The following KLHL1 variants were observed in gnomAD, a reference collection of about 807,000 sequenced individuals.
The protein encoded by KLHL1 is kelch like family member 1.
Under a neutral mutation model 77.7 loss-of-function variants are expected in KLHL1, and 47 were observed. That is an observed-to-expected ratio of 0.60 (90% CI 0.48 to 0.77). The LOEUF (loss-of-function observed/expected upper bound fraction) is 0.77, where lower values mean the gene tolerates loss of function less well. KLHL1 is among the 30% of genes least tolerant of loss of function. The pLI is 0.00. For missense variants in KLHL1, 925 were observed against 910.8 expected (o/e 1.02, Z -0.20); for synonymous variants, 360 against 325.2 (o/e 1.11, Z -1.15).
chr13:69,724,897 A>G (rs1873228483), intron 8 of KLHL1, among the ~76,000 whole-genome samples: 1 of 152,176 alleles, frequency 6.6e-6, no homozygotes, highest in African/African-American at 2.4e-5. Context: ...TAAAAAATCT[A>G]TTATGCAGGA....
intron 4 of KLHL1, among the ~76,000 whole-genome samples, chr13:69,910,128 C>T (rs748617192): frequency 3.9e-5 from 6 of 152,184 alleles, no homozygotes; most frequent in South Asian, 4.2e-4. Flanking sequence ...GACTGCTTCA[C>T]GAATTCCTTA....
intron 3 of KLHL1, 39 bp downstream of exon 3, chr13:69,961,269 A>G (rs1593990077): frequency 1.9e-6 from 3 of 1,570,126 alleles, no homozygotes; most frequent in East Asian, 2.3e-5. Context: ...GCTAAAATTT[A>G]TAAGACATCA....
chr13:69,997,500 C>T lies in KLHL1; in HGVS notation c.498-21698G>A, dbSNP rs2501232. On this transcript the variant is annotated intron_variant, in intron 1 of 10. Transcript: ENST00000377844. Reference sequence around the variant, plus strand: ...TCTAGCCACGGGAAACCACCGCTTTCCTCTGTTTCTATGAGTTTTACTGCT... The same window carrying T: ...TCTAGCCACGGGAAACCACCGCTTTTCTCTGTTTCTATGAGTTTTACTGCT... Among the ~76,000 whole-genome samples the T allele has an allele frequency of 3.1e-4, 47 of 151,154 alleles. 3 individuals are homozygous for T. The South Asian group carries it at 9.8e-3, about 31-fold the overall frequency.
intron 1 of KLHL1, among the ~76,000 whole-genome samples, chr13:69,995,417 A>G (rs1037294028): frequency 6.6e-6 from 1 of 152,094 alleles, no homozygotes; most frequent in African/African-American, 2.4e-5. Context: ...AAATGTATAG[A>G]TCTTTTGTGT....
chr13:69,799,592 T>C (rs1248489312), intron 6 of KLHL1, among the ~76,000 whole-genome samples: 1 of 152,174 alleles, frequency 6.6e-6, no homozygotes, highest in Admixed American at 6.5e-5. Context: ...TTTATATTAA[T>C]TTACTATGGC....
chr13:69,881,145 T>C (rs1165663986), intron 5 of KLHL1, among the ~76,000 whole-genome samples: 1 of 152,162 alleles, frequency 6.6e-6, no homozygotes, highest in Non-Finnish European at 1.5e-5. Context: ...TTGAATTCCA[T>C]AAATTATTTT....
At chr13:70,034,668 A>G (rs1886195107) in intron 1 of KLHL1, among the ~76,000 whole-genome samples, 1 of 152,220 alleles carries the variant, frequency 6.6e-6, no homozygotes. Context: ...GTTTGTGTAG[A>G]GGGGAAGAGG....
intron 8 of KLHL1, among the ~76,000 whole-genome samples, chr13:69,725,348 G>A (rs1873248688): frequency 6.6e-6 from 1 of 152,098 alleles, no homozygotes; most frequent in South Asian, 2.1e-4. Flanking sequence ...CACAACCATG[G>A]TTCAAATAGC....
chr13:69,758,970 C>T (rs926381398), intron 7 of KLHL1, among the ~76,000 whole-genome samples: 21 of 151,776 alleles, frequency 1.4e-4, no homozygotes, highest in Non-Finnish European at 2.4e-4. Flanking sequence ...CCCTAATGTT[C>T]CCCCCAGGGT....
At chr13:70,055,732 AT>A (rs2137397841) in intron 1 of KLHL1, among the ~76,000 whole-genome samples, 1 of 152,178 alleles carries the variant, frequency 6.6e-6, no homozygotes, top group African/African-American at 2.4e-5. Flanking sequence ...TGTTTTCGCA[AT>A]GAGAGTTGTC....
At chr13:69,910,711 T>C (rs1252213379) in intron 4 of KLHL1, among the ~76,000 whole-genome samples, 1 of 152,068 alleles carries the variant, frequency 6.6e-6, no homozygotes. Context: ...TTTCACTGGA[T>C]AGACGTGATA....
chr13:69,851,929 C>T (rs1338076177), intron 5 of KLHL1, among the ~76,000 whole-genome samples: 1 of 151,860 alleles, frequency 6.6e-6, no homozygotes, highest in Non-Finnish European at 1.5e-5. Flanking sequence ...CATTTCAATA[C>T]TTGAAATTAT....
At chr13:69,704,669 A>T (rs1203916413) in intron 10 of KLHL1, among the ~76,000 whole-genome samples, 1 of 151,614 alleles carries the variant, frequency 6.6e-6, no homozygotes, top group Non-Finnish European at 1.5e-5. Context: ...GTATTTTTCC[A>T]CATAAGTACA....
At chr13:69,897,394 TC>T (rs1382312442) in intron 4 of KLHL1, among the ~76,000 whole-genome samples, 3 of 152,214 alleles carry the variant, frequency 2.0e-5, no homozygotes, top group Admixed American at 1.3e-4. Flanking sequence ...TCTAGGCCAG[TC>T]CTTGACATCA....
Position 70,107,586 on chromosome 13 carries a change from C to G in KLHL1, c.114G>C (p.Leu38=). ...STGGPAGGGC[L]QQDGSGSFEH... ...CAAAGCTGCCACTGCCGTCCTGTTGCAGGCAGCCTCCCCCCGCCGGGCCGC... is the reference window on the plus strand; with the variant it reads ...CAAAGCTGCCACTGCCGTCCTGTTGGAGGCAGCCTCCCCCCGCCGGGCCGC... Residue 38 remains leucine, a synonymous_variant, in exon 1 of 11, where the codon CTG becomes CTC. Coordinates refer to ENST00000377844, the MANE Select transcript of KLHL1 (RefSeq NM_020866.3). 6.2e-7 allele frequency: 1 copy of G among 1,602,722 alleles called. No homozygotes were observed. Among genetic ancestry groups the G allele is most frequent in the Middle Eastern group, 1.7e-4 (1 of 5,956 alleles).
At chr13:70,090,989 T>C (rs1307984631) in intron 1 of KLHL1, among the ~76,000 whole-genome samples, 2 of 152,108 alleles carry the variant, frequency 1.3e-5, no homozygotes, top group Admixed American at 6.6e-5. Context: ...TTCTCTCTCT[T>C]TCTGTCATCA....
chr13:69,896,970 T>A (rs1469130953), intron 4 of KLHL1, among the ~76,000 whole-genome samples: 1 of 152,114 alleles, frequency 6.6e-6, no homozygotes, highest in East Asian at 1.9e-4. Context: ...GTGCCCGGCC[T>A]GTTTAAATAC....
intron 5 of KLHL1, among the ~76,000 whole-genome samples, chr13:69,860,944 C>G (rs994719120): frequency 6.6e-6 from 1 of 151,808 alleles, no homozygotes; most frequent in African/African-American, 2.4e-5. Flanking sequence ...GTAAAATATT[C>G]ATAGGGGTGT....
At chr13:69,850,628 A>T (rs1204812121) in intron 5 of KLHL1, among the ~76,000 whole-genome samples, 2 of 151,696 alleles carry the variant, frequency 1.3e-5, no homozygotes, top group Non-Finnish European at 3.0e-5. Context: ...AGAAAGATCC[A>T]TCACTTAAAT....
Sources: allele counts gnomAD v4.1 joint callset (sites outside exome capture counted in the v4.1 genomes callset), GRCh38; gene constraint gnomAD v4.1.1; transcripts MANE v1.5; gene names NCBI Gene and HGNC (gene_info 2026-07-23, HGNC 2026-07-21).